GALNT17: variants seen among roughly 807,000 people sequenced by gnomAD.
The protein encoded by GALNT17 is polypeptide N-acetylgalactosaminyltransferase 17.
GALNT17 carries 29 observed loss-of-function variants against 63.7 expected under a neutral mutation model. That is an observed-to-expected ratio of 0.46 (90% CI 0.34 to 0.62). The LOEUF is 0.62. Among genes scored for constraint, GALNT17 ranks in the 20% least tolerant of loss-of-function variants. The pLI is 0.01. For missense variants in GALNT17, 603 were observed against 799.6 expected, an observed-to-expected ratio of 0.75 and a Z score of 2.97; for synonymous variants, 305 against 318.3, an observed-to-expected ratio of 0.96 and a Z score of 0.45.
At chr7:71,568,802 A>G (rs1184082469) in intron 5 of GALNT17, among the ~76,000 whole-genome samples, 1 of 152,218 alleles carries the variant, frequency 6.6e-6, no homozygotes, top group Admixed American at 6.5e-5. Flanking sequence ...GCACAATGTA[A>G]TACAATACAA....
At chr7:71,406,088 A>G (rs1793323948) in intron 3 of GALNT17, among the ~76,000 whole-genome samples, 1 of 152,202 alleles carries the variant, frequency 6.6e-6, no homozygotes. Flanking sequence ...TAAATTACCA[A>G]AGGAGATCTA....
At chr7:71,644,546 A>C (rs10281817) in intron 6 of GALNT17, among the ~76,000 whole-genome samples, 63,356 of 100,196 alleles carry the variant, frequency 0.63, 18,943 homozygotes, top group East Asian at 0.83. Flanking sequence ...AAAAAAAAAA[A>C]AAACAAAAGA....
At chr7:71,265,836 A>C (rs1255252381) in intron 1 of GALNT17, among the ~76,000 whole-genome samples, 1 of 152,242 alleles carries the variant, frequency 6.6e-6, no homozygotes, top group East Asian at 1.9e-4. Flanking sequence ...AGGATGTATT[A>C]GTTTCATGCT....
chr7:71,568,261 C>A (rs1562694207), intron 5 of GALNT17, among the ~76,000 whole-genome samples: 1 of 152,182 alleles, frequency 6.6e-6, no homozygotes, highest in Non-Finnish European at 1.5e-5. Context: ...TGACTCAGGG[C>A]AGGTCACCTA....
chr7:71,471,399 CA>C lies in GALNT17; in HGVS notation c.962+50309del, dbSNP rs35529889. On this transcript the variant is annotated intron_variant, in intron 5 of 10. Coordinates refer to ENST00000333538, the MANE Select transcript of GALNT17 (RefSeq NM_022479.3). ...GGCTGAGCTCAGCATTTTTTTTTTCCAAAAAAAAAAAAAAACAAAAAAAACC... is the reference window on the plus strand; with the variant it reads ...GGCTGAGCTCAGCATTTTTTTTTTCCAAAAAAAAAAAAAACAAAAAAAACC... 4.8e-3 allele frequency among the ~76,000 whole-genome samples: 429 copies of C among 89,568 alleles called. 1 individual carries two copies. Among genetic ancestry groups the C allele is most frequent in the Non-Finnish European group, 6.2e-3 (263 of 42,132 alleles). The allele number at this position is 89,568 out of a possible 152,430, so 58.8% of individuals were successfully genotyped here.
intron 5 of GALNT17, among the ~76,000 whole-genome samples, chr7:71,481,308 G>T (rs558974450): frequency 1.1e-4 from 17 of 152,260 alleles, no homozygotes; most frequent in African/African-American, 3.8e-4. Flanking sequence ...AAATTAGTCA[G>T]GGGTGGTGGG....
chr7:71,377,190 C>T lies in GALNT17; in HGVS notation c.423-11045C>T, dbSNP rs561369610. Among the ~76,000 whole-genome samples the T allele has an allele frequency of 2.3e-3, 337 of 144,340 alleles. 1 individual carries two copies. Among genetic ancestry groups the T allele is most frequent in the African/African-American group, 8.2e-3 (315 of 38,502 alleles). 94.7% of individuals were successfully genotyped at this position (144,340 alleles called of 152,430 possible). A position where few individuals can be genotyped will look rare whatever the true frequency, so the allele number is the denominator to read the frequency against. ...GTTAGTTTGTTTGCCCATGACAGGCCCTCCTACTGTACCTTGAAACTGGCA... is the reference window on the plus strand; with the variant it reads ...GTTAGTTTGTTTGCCCATGACAGGCTCTCCTACTGTACCTTGAAACTGGCA... On this transcript the variant is annotated intron_variant, in intron 2 of 10. Transcript: ENST00000333538.
chr7:71,192,300 A>G (rs1488313066), intron 1 of GALNT17, among the ~76,000 whole-genome samples: 1 of 151,872 alleles, frequency 6.6e-6, no homozygotes, highest in Non-Finnish European at 1.5e-5. Flanking sequence ...CTTTGGCAAC[A>G]CCCTCACAGA....
At chr7:71,287,516 G>A (rs1012396210) in intron 1 of GALNT17, among the ~76,000 whole-genome samples, 12 of 151,994 alleles carry the variant, frequency 7.9e-5, no homozygotes, top group Middle Eastern at 3.4e-3. Context: ...TATTTCTCTC[G>A]CTTCTGTTAT....
intron 6 of GALNT17, among the ~76,000 whole-genome samples, chr7:71,638,119 G>A (rs759245946): frequency 2.0e-5 from 3 of 152,170 alleles, no homozygotes; most frequent in Admixed American, 2.0e-4. Flanking sequence ...CATTGCTGTG[G>A]CATTTGTAAA....
intron 6 of GALNT17, among the ~76,000 whole-genome samples, chr7:71,625,961 T>G (rs1167611061): frequency 1.3e-5 from 2 of 151,882 alleles, no homozygotes; most frequent in Non-Finnish European, 2.9e-5. Context: ...AAGAAGGGAT[T>G]AGGGCTGGGT....
At chr7:71,700,761 CT>C (rs1429263248) in intron 9 of GALNT17, among the ~76,000 whole-genome samples, 1 of 152,196 alleles carries the variant, frequency 6.6e-6, no homozygotes, top group Non-Finnish European at 1.5e-5. Flanking sequence ...TGACCTTCCT[CT>C]TTTGGATGGG....
chr7:71,342,054 A>T (rs1792014778), intron 2 of GALNT17, among the ~76,000 whole-genome samples: 1 of 152,174 alleles, frequency 6.6e-6, no homozygotes. Flanking sequence ...CTCCTCGTTC[A>T]AAAAGCTTGG....
chr7:71,694,335 A>C (rs1791507693), intron 9 of GALNT17, among the ~76,000 whole-genome samples: 1 of 149,814 alleles, frequency 6.7e-6, no homozygotes, highest in Non-Finnish European at 1.5e-5. Context: ...TAAATGCACT[A>C]TGATGTAATC....
At chr7:71,249,781 G>A (rs1012424589) in intron 1 of GALNT17, among the ~76,000 whole-genome samples, 2 of 152,172 alleles carry the variant, frequency 1.3e-5, no homozygotes, top group Admixed American at 6.5e-5. Context: ...TTCATAGTTG[G>A]TGGTGCTTAA....
intron 1 of GALNT17, among the ~76,000 whole-genome samples, chr7:71,207,636 A>G (rs111530893): frequency 2.0e-5 from 3 of 152,246 alleles, no homozygotes; most frequent in Admixed American, 1.3e-4. Context: ...TCTGGAGGCA[A>G]AACACAACAT....
At chr7:71,705,565 A>G (rs933227073) in intron 9 of GALNT17, among the ~76,000 whole-genome samples, 1 of 152,248 alleles carries the variant, frequency 6.6e-6, no homozygotes, top group Non-Finnish European at 1.5e-5. Context: ...TGAAAATTGT[A>G]CATGAATATC....
intron 6 of GALNT17, among the ~76,000 whole-genome samples, chr7:71,573,272 A>G (rs1242398218): frequency 6.6e-6 from 1 of 151,832 alleles, no homozygotes; most frequent in Non-Finnish European, 1.5e-5. Flanking sequence ...GGCCTCCCAA[A>G]GTGCTGGGAT....
intron 6 of GALNT17, among the ~76,000 whole-genome samples, chr7:71,615,939 C>T (rs1325334083): frequency 2.0e-5 from 3 of 152,124 alleles, no homozygotes; most frequent in African/African-American, 7.2e-5. Flanking sequence ...TGTCGTCTTG[C>T]CCACCTCTGT....
Sources: gnomAD v4.1 joint callset for allele counts (sites outside exome capture counted in the v4.1 genomes callset) on GRCh38, gnomAD v4.1.1 for gene constraint, MANE v1.5 for transcripts, NCBI Gene and HGNC (gene_info 2026-07-23, HGNC 2026-07-21) for gene names.